The following ZNF326 variants were observed in gnomAD, a reference collection of about 807,000 sequenced individuals.
ZNF326 encodes the protein DBIRD complex subunit ZNF326.
ZNF326 carries 30 observed loss-of-function variants against 63.1 expected under a neutral mutation model. The ratio of observed to expected loss-of-function variants is 0.48; its 90% confidence interval spans 0.36 to 0.64. ZNF326 has a LOEUF of 0.64. Ranked by LOEUF, ZNF326 falls within the 30% of genes least tolerant of loss-of-function variation. ZNF326 has a pLI of 0.00. For synonymous variants in ZNF326, 194 were observed against 228.2 expected (o/e 0.85, Z 1.35); for missense variants, 609 against 720.3 (o/e 0.85, Z 1.77).
In ZNF326 at chr1:90,026,637, C is replaced by T. The variant is rs150577622; in HGVS notation, c.1402-717C>T. Among the ~76,000 whole-genome samples the T allele has an allele frequency of 4.1e-3, 627 of 152,306 alleles. 4 individuals carry two copies. Among genetic ancestry groups the T allele is most frequent in the African/African-American group, 0.015 (606 of 41,578 alleles). On this transcript the variant is annotated intron_variant, in intron 11 of 11. Coordinates refer to ENST00000340281, the MANE Select transcript of ZNF326 (RefSeq NM_182976.4). ...CTGGTCTGGGATATTAGAGTAGCCTCCTCACTAGTATTCCTTCTTTTGGTT... is the reference window on the plus strand; with the variant it reads ...CTGGTCTGGGATATTAGAGTAGCCTTCTCACTAGTATTCCTTCTTTTGGTT...
At chr1:90,027,304 C>A (rs2101099745) in intron 11 of ZNF326, 50 bp from the exon 12 acceptor site, 1 of 1,552,992 alleles carries the variant, frequency 6.4e-7, no homozygotes, top group Non-Finnish European at 8.8e-7. Context: ...CTTGCCAGAT[C>A]ATGTAATAAT....
In ZNF326 at chr1:90,017,274, G is replaced by A. The variant is rs756430286; in HGVS notation, c.927-43G>A. Reference sequence around the variant, plus strand: ...ATATTCTTATGAACTCTTTATAGTTGAATAAAGTAATATTTAAAGGAAAAC... The same window carrying A: ...ATATTCTTATGAACTCTTTATAGTTAAATAAAGTAATATTTAAAGGAAAAC... On this transcript the variant is annotated intron_variant, in intron 7 of 11. Coordinates refer to ENST00000340281, the MANE Select transcript of ZNF326 (RefSeq NM_182976.4). The A allele has an allele frequency of 9.5e-6, 13 of 1,372,438 alleles. No homozygotes were observed. In the African/African-American group the frequency reaches 1.9e-4, roughly 20 times the overall value. 85.0% of individuals were successfully genotyped at this position (1,372,438 alleles called of 1,614,324 possible).
rs1256781881 is a variant in ZNF326, at chr1:90,018,475, A to G, written c.1075-210A>G. Among the ~76,000 whole-genome samples, 6 of 152,244 alleles carry G rather than the reference A, an allele frequency of 3.9e-5. No individual in the cohort carries two copies. The East Asian group carries it at 1.2e-3, about 29-fold the overall frequency. ...AGCTCCCTTTGATCCCTTTCTCTAT[A>G]TGCTTAAAATATACTTTGAAAAATG... is the stretch of plus-strand genomic sequence containing the variant. On this transcript the variant is annotated intron_variant, in intron 8 of 11. Coordinates refer to ENST00000340281, the MANE Select transcript of ZNF326 (RefSeq NM_182976.4).
At chr1:90,015,185 A>C (rs929951003) in intron 7 of ZNF326, among the ~76,000 whole-genome samples, 1 of 152,232 alleles carries the variant, frequency 6.6e-6, no homozygotes, top group Non-Finnish European at 1.5e-5. Context: ...GAGATTGAGT[A>C]AATCACTATT....
At chr1:90,010,604 G>C (rs1033718426) in intron 6 of ZNF326, among the ~76,000 whole-genome samples, 4 of 152,046 alleles carry the variant, frequency 2.6e-5, no homozygotes, top group Middle Eastern at 3.2e-3. Flanking sequence ...GAATGGTAAT[G>C]CCAGTATTTA....
chr1:90,017,180 C>A, intron 7 of ZNF326, 137 bp from the exon 8 acceptor site: 1 of 662,432 alleles, frequency 1.5e-6, no homozygotes, highest in Non-Finnish European at 2.4e-6. Flanking sequence ...TGGATTTAAG[C>A]TAAGTTTAAT....
chr1:90,019,023 T>C (rs968610967), intron 9 of ZNF326, among the ~76,000 whole-genome samples: 3 of 152,178 alleles, frequency 2.0e-5, no homozygotes, highest in Admixed American at 6.5e-5. Flanking sequence ...TTCCTCTAGA[T>C]GAAAGATACT....
chr1:90,029,249 T>C lies in ZNF326; in HGVS notation c.*1548T>C, dbSNP rs973514021. On this transcript the variant is annotated 3_prime_UTR_variant, in exon 12 of 12. Transcript: ENST00000340281. ...AGATAATTTATCTTTTTGTGTAAAATAAGGCTTTTAAAACTAGACTTTCTG... is the reference window on the plus strand; with the variant it reads ...AGATAATTTATCTTTTTGTGTAAAACAAGGCTTTTAAAACTAGACTTTCTG... 1 of 151,640 alleles carries C rather than the reference T, an allele frequency of 6.6e-6. No individual in the cohort carries two copies. Among genetic ancestry groups the C allele is most frequent in the Non-Finnish European group, 1.5e-5 (1 of 67,970 alleles). The allele number at this position is 151,640 out of a possible 1,614,324, so 9.4% of individuals were successfully genotyped here.
intron 11 of ZNF326, among the ~76,000 whole-genome samples, chr1:90,024,980 G>GTTTTTTTTTTTTT (rs563668519): frequency 7.8e-6 from 1 of 128,536 alleles, no homozygotes; most frequent in Non-Finnish European, 1.6e-5. Flanking sequence ...TTTTTTTCCT[G>GTTTTTTTTTTTTT]TTTTTTTTTT....
chr1:90,030,792 A>G lies in ZNF326; in HGVS notation c.*3091A>G, dbSNP rs1650236514. 1 of 152,106 alleles carries G rather than the reference A, an allele frequency of 6.6e-6. No homozygotes were observed. Among genetic ancestry groups the G allele is most frequent in the South Asian group, 2.1e-4 (1 of 4,820 alleles). The allele number at this position is 152,106 out of a possible 1,614,324, so 9.4% of individuals were successfully genotyped here. A position where few individuals can be genotyped will look rare whatever the true frequency, so the allele number is the denominator to read the frequency against. On this transcript the variant is annotated 3_prime_UTR_variant, in exon 12 of 12. Transcript: ENST00000340281. ...GCGGTCGTCCCGCCTTAGCCTCCCA[A>G]GTAGCTGGGACCACAGACGTGCACC...
At chr1:90,019,689 A>G (rs773438403) in intron 9 of ZNF326, among the ~76,000 whole-genome samples, 1 of 152,134 alleles carries the variant, frequency 6.6e-6, no homozygotes, top group African/African-American at 2.4e-5. Context: ...GTTAGTATCT[A>G]GATGTTCATT....
Position 90,026,523 on chromosome 1 carries a change from A to G in ZNF326, c.1402-831A>G, listed in dbSNP as rs59251298. Among the ~76,000 whole-genome samples, 576 of 152,280 alleles carry G rather than the reference A, an allele frequency of 3.8e-3. 1 individual carries two copies. The highest frequency in any genetic ancestry group is 0.013 in the African/African-American group (548 of 41,566). ...ATAATTATATATATTAATAGCATAT[A>G]TACACTTCCTCCCCTTTTCCTTTCC... On this transcript the variant is annotated intron_variant, in intron 11 of 11. Coordinates refer to ENST00000340281, the MANE Select transcript of ZNF326 (RefSeq NM_182976.4).
At chr1:89,998,892 A>C (rs1283915838) in intron 2 of ZNF326, among the ~76,000 whole-genome samples, 1 of 152,236 alleles carries the variant, frequency 6.6e-6, no homozygotes, top group Non-Finnish European at 1.5e-5. Context: ...TATATTCACA[A>C]AGTAAAACTG....
intron 7 of ZNF326, among the ~76,000 whole-genome samples, chr1:90,014,735 C>T (rs1485108157): frequency 6.6e-6 from 1 of 152,170 alleles, no homozygotes; most frequent in African/African-American, 2.4e-5. Flanking sequence ...GTTTCAAGAA[C>T]TACTGCTATT....
intron 9 of ZNF326, 113 bp downstream of exon 9, chr1:90,018,897 T>TAACTCACTCAG: frequency 2.2e-6 from 1 of 446,148 alleles, no homozygotes; most frequent in Non-Finnish European, 3.9e-6. Flanking sequence ...ATATATACAG[T>TAACTCACTCAG]AGCTCTGAGT....
At chr1:89,996,169 T>C (rs1427414122) in intron 1 of ZNF326, among the ~76,000 whole-genome samples, 2 of 152,214 alleles carry the variant, frequency 1.3e-5, no homozygotes, top group Admixed American at 6.5e-5. Context: ...TTGCTTGGAA[T>C]TGGTGTCAAG....
At chr1:90,026,125 G>A (rs1171089923) in intron 11 of ZNF326, among the ~76,000 whole-genome samples, 1 of 151,972 alleles carries the variant, frequency 6.6e-6, no homozygotes, top group Non-Finnish European at 1.5e-5. Context: ...TACCAGGCCT[G>A]GCTAATATTT....
At chr1:90,009,567 T>C (rs1048496344) in intron 5 of ZNF326, among the ~76,000 whole-genome samples, 1 of 152,212 alleles carries the variant, frequency 6.6e-6, no homozygotes, top group African/African-American at 2.4e-5. Flanking sequence ...ACTCTCCTAT[T>C]TCATACTAAT....
intron 2 of ZNF326, 95 bp from the exon 3 acceptor site, chr1:90,004,906 ATC>A: frequency 1.0e-6 from 1 of 988,112 alleles, no homozygotes. Flanking sequence ...ATGGTAAATT[ATC>A]TCAGGTGATA....
Sources: gnomAD v4.1 joint callset for allele counts (sites outside exome capture counted in the v4.1 genomes callset) on GRCh38, gnomAD v4.1.1 for gene constraint, MANE v1.5 for transcripts, NCBI Gene and HGNC (gene_info 2026-07-23, HGNC 2026-07-21) for gene names.